Variants in SBF2 observed in about 807,000 individuals in gnomAD.
SBF2 encodes the protein SET binding factor 2, also known as myotubularin-related protein 13.
A neutral mutation model predicts 225.2 loss-of-function variants in SBF2; 112 were observed. The observed-to-expected ratio is 0.50, with a 90% CI of 0.43 to 0.58. The LOEUF (loss-of-function observed/expected upper bound fraction) is 0.58, where lower values mean the gene tolerates loss of function less well. SBF2 is among the 20% of genes least tolerant of loss of function. SBF2 has a pLI of 0.00. For synonymous variants in SBF2, 763 were observed against 773.3 expected (o/e 0.99, Z 0.22); for missense variants, 1,996 against 2,206.2 (o/e 0.90, Z 1.91).
intron 2 of SBF2, among the ~76,000 whole-genome samples, chr11:10,161,516 C>T (rs1425130166): frequency 1.3e-5 from 2 of 152,258 alleles, no homozygotes; most frequent in Non-Finnish European, 2.9e-5. Flanking sequence ...ATGGGAGAGA[C>T]GGCTGGCTGT....
chr11:10,162,583 C>G (rs2135215147), intron 2 of SBF2, among the ~76,000 whole-genome samples: 1 of 152,238 alleles, frequency 6.6e-6, no homozygotes, highest in Non-Finnish European at 1.5e-5. Context: ...CTTAAATGCA[C>G]TCTTTTAAAA....
chr11:10,053,445 C>T (rs1950131348), intron 2 of SBF2, among the ~76,000 whole-genome samples: 1 of 152,088 alleles, frequency 6.6e-6, no homozygotes, highest in Admixed American at 6.6e-5. Flanking sequence ...GAAGTGATAA[C>T]AAAGAACTGT....
chr11:9,927,834 C>G (rs1864170420), intron 16 of SBF2, among the ~76,000 whole-genome samples: 1 of 152,148 alleles, frequency 6.6e-6, no homozygotes, highest in Non-Finnish European at 1.5e-5. Flanking sequence ...GCACTTAAAT[C>G]TATACTATTT....
chr11:10,194,460 C>T (rs1238814727), intron 1 of SBF2, among the ~76,000 whole-genome samples: 1 of 152,060 alleles, frequency 6.6e-6, no homozygotes, highest in Non-Finnish European at 1.5e-5. Flanking sequence ...GGAACAAATC[C>T]CCTGCAAATA....
intron 1 of SBF2, among the ~76,000 whole-genome samples, chr11:10,226,729 T>C (rs1033451188): frequency 6.6e-6 from 1 of 152,216 alleles, no homozygotes; most frequent in Non-Finnish European, 1.5e-5. Flanking sequence ...CAGTCTATCA[T>C]TGTTGGACAT....
intron 13 of SBF2, among the ~76,000 whole-genome samples, chr11:9,974,523 C>T (rs16907329): frequency 2.0e-5 from 3 of 151,662 alleles, no homozygotes; most frequent in Admixed American, 6.6e-5. Context: ...GTCACAAGTA[C>T]GAAGGCAACA....
At chr11:10,066,801 G>A (rs992651780) in intron 2 of SBF2, among the ~76,000 whole-genome samples, 7 of 152,110 alleles carry the variant, frequency 4.6e-5, no homozygotes, top group Admixed American at 3.3e-4. Flanking sequence ...GAAGGAACCC[G>A]ATTGCTGAAA....
At chr11:9,841,725 G>A (rs997663319) in intron 25 of SBF2, among the ~76,000 whole-genome samples, 2 of 152,084 alleles carry the variant, frequency 1.3e-5, no homozygotes, top group African/African-American at 4.8e-5. Flanking sequence ...GTAGCAACAG[G>A]GTTTCGCCAT....
intron 17 of SBF2, among the ~76,000 whole-genome samples, chr11:9,882,033 C>G (rs181416454): frequency 1.3e-5 from 2 of 152,122 alleles, no homozygotes; most frequent in Non-Finnish European, 2.9e-5. Context: ...TTCCACAGCT[C>G]TCCTTGTAAC....
At chr11:9,861,141 T>C (rs1273796189) in intron 17 of SBF2, among the ~76,000 whole-genome samples, 1 of 152,232 alleles carries the variant, frequency 6.6e-6, no homozygotes. Flanking sequence ...AATGCTCCAA[T>C]GAACATTTCT....
chr11:10,250,296 C>G (rs1244431047), intron 1 of SBF2, among the ~76,000 whole-genome samples: 1 of 152,168 alleles, frequency 6.6e-6, no homozygotes, highest in Non-Finnish European at 1.5e-5. Context: ...GTTATCTGCG[C>G]TATGCACCTA....
chr11:10,291,320 T>C (rs1021164471), intron 1 of SBF2, among the ~76,000 whole-genome samples: 1 of 152,138 alleles, frequency 6.6e-6, no homozygotes, highest in African/African-American at 2.4e-5. Flanking sequence ...TTAAGCCATA[T>C]GAGGTTAAAG....
chr11:9,826,731 A>ATG (rs71453933), intron 28 of SBF2, among the ~76,000 whole-genome samples: 254 of 64,926 alleles, frequency 3.9e-3, no homozygotes, highest in East Asian at 7.3e-3. Flanking sequence ...ATATATATAT[A>ATG]TGTGTGTGTG....
intron 17 of SBF2, 121 bp downstream of exon 17, chr11:9,895,822 C>A (rs541545810): frequency 2.6e-6 from 2 of 758,216 alleles, no homozygotes; most frequent in Non-Finnish European, 4.7e-6. Flanking sequence ...TAAATATAAC[C>A]GCAGATATAT....
chr11:10,258,616 T>C (rs1001928174), intron 1 of SBF2, among the ~76,000 whole-genome samples: 1 of 152,248 alleles, frequency 6.6e-6, no homozygotes, highest in African/African-American at 2.4e-5. Flanking sequence ...GTAAATCTTA[T>C]GATTACTGCT....
rs183510528 is a variant in SBF2 at position 10,106,554 on chromosome 11, G to A, written c.142-63573C>T. Among the ~76,000 whole-genome samples the A allele has an allele frequency of 3.0e-3, 457 of 151,008 alleles. 4 individuals are homozygous for A. Among genetic ancestry groups the A allele is most frequent in the South Asian group, 0.015 (74 of 4,794 alleles). ...GGAGGCATGAGAATCGCTTGAACCC[G>A]CGCAGCAGAGGTTGCAGTGAGCCAA... On this transcript the variant is annotated intron_variant, in intron 2 of 39. Coordinates refer to ENST00000256190, the MANE Select transcript of SBF2 (RefSeq NM_030962.4).
chr11:9,845,049 T>TGA (rs1243449228), intron 24 of SBF2, among the ~76,000 whole-genome samples: 3 of 152,094 alleles, frequency 2.0e-5, no homozygotes, highest in Admixed American at 1.3e-4. Flanking sequence ...TGTGTATATA[T>TGA]GAGAGAGAGA....
At chr11:10,242,066 G>C (rs1959258391) in intron 1 of SBF2, among the ~76,000 whole-genome samples, 1 of 151,562 alleles carries the variant, frequency 6.6e-6, no homozygotes, top group African/African-American at 2.4e-5. Context: ...TTAGGTCCTA[G>C]GGTCTATGGG....
intron 1 of SBF2, among the ~76,000 whole-genome samples, chr11:10,227,269 G>A (rs1440244943): frequency 6.6e-6 from 1 of 152,092 alleles, no homozygotes; most frequent in Non-Finnish European, 1.5e-5. Context: ...CATTCTGTAG[G>A]TTGCCTGTTC....
Sources: allele counts gnomAD v4.1 joint callset (sites outside exome capture counted in the v4.1 genomes callset), GRCh38; gene constraint gnomAD v4.1.1; transcripts MANE v1.5; gene names NCBI Gene and HGNC (gene_info 2026-07-23, HGNC 2026-07-21).